Variants in RPN1 observed in about 807,000 individuals in gnomAD.
RPN1 encodes ribophorin I, also known as dolichyl-diphosphooligosaccharide--protein glycosyltransferase subunit 1.
RPN1 carries 12 observed loss-of-function variants against 55.5 expected under a neutral mutation model. The observed-to-expected ratio is 0.22, with a 90% CI of 0.14 to 0.35. The LOEUF is 0.35. Among genes scored for constraint, RPN1 ranks in the 10% least tolerant of loss-of-function variants. The pLI, the probability that RPN1 is intolerant of heterozygous loss-of-function variation, is 1.00. For synonymous variants in RPN1, 317 were observed against 305.9 expected (o/e 1.04, Z -0.38); for missense variants, 679 against 761.3 (o/e 0.89, Z 1.27).
At chr3:128,640,664 G>C (rs1226560291) in intron 2 of RPN1, among the ~76,000 whole-genome samples, 5 of 152,096 alleles carry the variant, frequency 3.3e-5, no homozygotes. Flanking sequence ...ACTGCCATCT[G>C]ATCAACTCTA....
At chr3:128,629,378 T>C (rs1379131951) in intron 5 of RPN1, among the ~76,000 whole-genome samples, 7 of 152,170 alleles carry the variant, frequency 4.6e-5, no homozygotes, top group Admixed American at 3.9e-4. Flanking sequence ...CTGGCCAACA[T>C]GGTGAAACCC....
intron 8 of RPN1, 24 bp from the exon 9 acceptor site, chr3:128,622,433 T>C (rs770552239): frequency 2.5e-6 from 4 of 1,613,256 alleles, no homozygotes; most frequent in Non-Finnish European, 3.4e-6. Flanking sequence ...AGGCACCATG[T>C]GTGACAACAT....
chr3:128,643,250 C>T (rs1414971303), intron 2 of RPN1, among the ~76,000 whole-genome samples: 21 of 151,066 alleles, frequency 1.4e-4, no homozygotes, highest in Non-Finnish European at 1.5e-5. Context: ...TCGCTTGAAC[C>T]TAGGAGGCTG....
At position 128,620,327 on chromosome 3, in the gene RPN1, A is replaced by G; in HGVS notation, c.*84T>C. The G allele has an allele frequency of 7.4e-7, 1 of 1,346,454 alleles. No homozygotes were observed. Among genetic ancestry groups the G allele is most frequent in the South Asian group, 1.5e-5 (1 of 67,978 alleles). 83.4% of individuals were successfully genotyped at this position (1,346,454 alleles called of 1,614,324 possible). A position where few individuals can be genotyped will look rare whatever the true frequency, so the allele number is the denominator to read the frequency against. On this transcript the variant is annotated 3_prime_UTR_variant, in exon 10 of 10. Coordinates refer to ENST00000296255, the MANE Select transcript of RPN1 (RefSeq NM_002950.4). ...CAGATGTCAGCTTTCACTGGCCTCC[A>G]TGCACAACCTCCCACTACCACCCAA... is the stretch of plus-strand genomic sequence containing the variant.
chr3:128,639,455 GAAAAAAAAA>G (rs370062932), intron 2 of RPN1, among the ~76,000 whole-genome samples: 11 of 81,742 alleles, frequency 1.3e-4, no homozygotes, highest in African/African-American at 5.1e-4. Context: ...ACCGTCTCAA[GAAAAAAAAA>G]AAAAAAAAAA....
rs1175794538 is a variant in RPN1, at chr3:128,638,110, A to C, written c.327-5T>G. On this transcript the variant is annotated splice_region_variant and splice_polypyrimidine_tract_variant and intron_variant, in intron 2 of 9. Transcript: ENST00000296255. ...TTGACTGTGAAGAATCTCCCACTAA[A>C]GGAAGAACAAGGCAAGAGAAGTAAG... The C allele has an allele frequency of 6.2e-7, 1 of 1,607,070 alleles. No individual in the cohort carries two copies. The highest frequency in any genetic ancestry group is 2.2e-5 in the East Asian group (1 of 44,810).
At chr3:128,649,132 T>C (rs1314518497) in intron 1 of RPN1, among the ~76,000 whole-genome samples, 1 of 152,234 alleles carries the variant, frequency 6.6e-6, no homozygotes, top group Non-Finnish European at 1.5e-5. Context: ...ATATGTTTAT[T>C]ACCCGGATTG....
intron 1 of RPN1, among the ~76,000 whole-genome samples, chr3:128,647,276 C>T (rs116179787): frequency 0.032 from 4,799 of 152,232 alleles, 123 homozygotes; most frequent in Middle Eastern, 0.065. Context: ...ATACAAAAAG[C>T]TGTATTGGAG....
chr3:128,628,433 G>A (rs796187119), intron 5 of RPN1, among the ~76,000 whole-genome samples: 1 of 126,422 alleles, frequency 7.9e-6, no homozygotes, highest in East Asian at 2.3e-4. Context: ...TAACATAAAT[G>A]CAAAGAAAAG....
intron 5 of RPN1, among the ~76,000 whole-genome samples, chr3:128,627,960 T>C (rs1471748506): frequency 1.3e-5 from 2 of 152,218 alleles, no homozygotes; most frequent in Non-Finnish European, 2.9e-5. Flanking sequence ...ATGTAAACAA[T>C]AATTAGAAAA....
At chr3:128,639,173 C>A (rs955433132) in intron 2 of RPN1, among the ~76,000 whole-genome samples, 1 of 151,912 alleles carries the variant, frequency 6.6e-6, no homozygotes, top group African/African-American at 2.4e-5. Flanking sequence ...ATACATAGAC[C>A]CGGGGAGGGT....
intron 5 of RPN1, 71 bp downstream of exon 5, chr3:128,629,880 T>G: frequency 1.2e-6 from 1 of 847,784 alleles, no homozygotes; most frequent in Non-Finnish European, 1.8e-6. Flanking sequence ...CTATAAAGAC[T>G]GATAATTGAA....
In RPN1 at chr3:128,650,685, G is replaced by T; in HGVS notation, c.116C>A (p.Thr39Lys). 1 of 1,573,114 alleles carries T rather than the reference G, an allele frequency of 6.4e-7. No homozygotes were observed. The highest frequency in any genetic ancestry group is 8.6e-7 in the Non-Finnish European group (1 of 1,159,250). Residue 39 changes from threonine to lysine, a missense_variant, in exon 1 of 10, where the codon ACA (threonine) becomes AAA (lysine). Physicochemically the swap from Thr to Lys is moderately conservative, Grantham distance 78. This residue lies in a region of RPN1 where 352 missense variants were observed against 352.8 expected (regional missense o/e 1.00). Coordinates refer to ENST00000296255, the MANE Select transcript of RPN1 (RefSeq NM_002950.4). ...AGCCAGGTGGCTGCTTAGGTCCACT[G>T]TGCGCTTCACGTCCTCATTGATCAG... ...PPLINEDVKR[T>K]VDLSSHLAKV...
chr3:128,640,152 A>T (rs2069714516), intron 2 of RPN1, among the ~76,000 whole-genome samples: 1 of 152,034 alleles, frequency 6.6e-6, no homozygotes. Context: ...AGCCTGGGTG[A>T]CGGAGCGAGA....
rs376842979 is a variant in RPN1, at chr3:128,650,607, C to T, written c.194G>A (p.Arg65Gln). The change falls in exon 1 of 10, where the codon CGA (arginine) becomes CAA (glutamine). Residue 65 changes from arginine to glutamine, a missense_variant. Around this residue, in one of 3 missense-constraint regions of RPN1, gnomAD observed 352 missense variants for 352.8 expected, o/e 1.00. Transcript: ENST00000296255. ...CAAAGCCAGCAGGAAAGAGGTAGCT[C>T]GGGACGTGGAGCCGCCGCCCAGGTG... is the stretch of plus-strand genomic sequence containing the variant. Reference protein sequence around the residue: ...LAHLGGGSTSRATSFLLALEP... With the variant: ...LAHLGGGSTSQATSFLLALEP... 26 of 1,550,374 alleles carry T rather than the reference C, an allele frequency of 1.7e-5. No homozygotes were observed. Among genetic ancestry groups the T allele is most frequent in the East Asian group, 4.9e-5 (2 of 41,044 alleles).
At chr3:128,646,524 A>G (rs1011331562) in intron 1 of RPN1, among the ~76,000 whole-genome samples, 2 of 151,942 alleles carry the variant, frequency 1.3e-5, no homozygotes, top group East Asian at 1.9e-4. Context: ...CATCTCTACT[A>G]AAAAATACAA....
At chr3:128,632,420 G>T (rs1373562412) in intron 3 of RPN1, among the ~76,000 whole-genome samples, 2 of 152,124 alleles carry the variant, frequency 1.3e-5, no homozygotes, top group African/African-American at 2.4e-5. Context: ...AGGCAGTTTT[G>T]TAAGAGTTCT....
chr3:128,644,856 C>T (rs777178810), intron 2 of RPN1, 63 bp downstream of exon 2: 19 of 926,476 alleles, frequency 2.1e-5, no homozygotes, highest in Non-Finnish European at 3.2e-5. Flanking sequence ...TTTATGATCC[C>T]ATATGATCCC....
chr3:128,637,056 G>C (rs2069686550), intron 3 of RPN1, among the ~76,000 whole-genome samples: 1 of 152,108 alleles, frequency 6.6e-6, no homozygotes, highest in South Asian at 2.1e-4. Flanking sequence ...GGGCAATAAA[G>C]CAAGATCCCG....
Sources: gnomAD v4.1 joint callset for allele counts (sites outside exome capture counted in the v4.1 genomes callset) on GRCh38, gnomAD v4.1.1 for gene constraint, gnomAD v4.1.1 regional missense constraint, MANE v1.5 for transcripts, NCBI Gene and HGNC (gene_info 2026-07-23, HGNC 2026-07-21) for gene names.